Variants in SMYD1 observed in about 807,000 individuals in gnomAD.
SMYD1 encodes the protein SET and MYND domain containing 1.
In SMYD1, 49 loss-of-function variants were observed where a neutral mutation model predicts 54.0. That is an observed-to-expected ratio of 0.91 (90% CI 0.72 to 1.15). The LOEUF (loss-of-function observed/expected upper bound fraction) is 1.15. SMYD1 is among the 50% of genes most tolerant of loss of function. The pLI, the probability that SMYD1 is intolerant of heterozygous loss-of-function variation, is 0.00. For synonymous variants in SMYD1, 269 were observed against 234.2 expected (o/e 1.15, Z -1.36); for missense variants, 653 against 639.6 (o/e 1.02, Z -0.23).
At chr2:88,102,129 AGTC>A (rs1674736072) in intron 6 of SMYD1, among the ~76,000 whole-genome samples, 1 of 152,000 alleles carries the variant, frequency 6.6e-6, no homozygotes, top group Non-Finnish European at 1.5e-5. Context: ...TCAATTTTAC[AGTC>A]AGAATAAATA....
intron 1 of SMYD1, among the ~76,000 whole-genome samples, chr2:88,082,093 G>A (rs1030199152): frequency 1.3e-5 from 2 of 152,138 alleles, no homozygotes; most frequent in African/African-American, 4.8e-5. Context: ...GGCCCCATGT[G>A]CTCTATTCTG....
intron 1 of SMYD1, among the ~76,000 whole-genome samples, chr2:88,080,509 T>A (rs1674164912): frequency 6.6e-6 from 1 of 152,178 alleles, no homozygotes; most frequent in Admixed American, 6.5e-5. Flanking sequence ...ATGGGCGACC[T>A]TGGAACAGAC....
intron 1 of SMYD1, among the ~76,000 whole-genome samples, chr2:88,068,615 T>TG (rs1558844339): frequency 1.3e-5 from 2 of 151,682 alleles, no homozygotes; most frequent in Admixed American, 6.6e-5. Context: ...TGTCTGGTTT[T>TG]TTTTTTTTTT....
intron 7 of SMYD1, among the ~76,000 whole-genome samples, chr2:88,104,080 C>T (rs1200937279): frequency 1.3e-5 from 2 of 151,896 alleles, no homozygotes; most frequent in East Asian, 1.9e-4. Flanking sequence ...CATTCTCCTG[C>T]CTCAGCCTCC....
chr2:88,106,604 G>A lies in SMYD1; in HGVS notation c.1145+116G>A, dbSNP rs1436731811. On this transcript the variant is annotated intron_variant, in intron 8 of 9. Transcript: ENST00000419482. ...CCTCCTATACCCACAGCAGGCGTCA[G>A]TAATCCATCATGGTTCTCTTTTTGA... is the stretch of plus-strand genomic sequence containing the variant. 11 of 1,071,044 alleles carry A rather than the reference G, an allele frequency of 1.0e-5. 1 individual carries two copies. Among genetic ancestry groups the A allele is most frequent in the African/African-American group, 7.9e-5 (5 of 63,168 alleles). The allele number at this position is 1,071,044 out of a possible 1,614,324, so 66.3% of individuals were successfully genotyped here.
chr2:88,093,445 A>C, intron 4 of SMYD1, 72 bp from the exon 5 acceptor site: 1 of 1,548,924 alleles, frequency 6.5e-7, no homozygotes, highest in South Asian at 1.1e-5. Context: ...AATGCTGTAC[A>C]CCCTTGCACT....
At chr2:88,089,840 T>A (rs1407121014) in intron 3 of SMYD1, among the ~76,000 whole-genome samples, 1 of 151,968 alleles carries the variant, frequency 6.6e-6, no homozygotes, top group African/African-American at 2.4e-5. Context: ...GATCTGCCCA[T>A]CTCTGCCTTC....
At chr2:88,101,402 T>C (rs1485962201) in intron 6 of SMYD1, among the ~76,000 whole-genome samples, 1 of 152,226 alleles carries the variant, frequency 6.6e-6, no homozygotes, top group African/African-American at 2.4e-5. Context: ...TATATTGATA[T>C]GGGAAAATGT....
rs181654540 is a variant in SMYD1 at position 88,087,983 on chromosome 2, G to A, written c.436G>A (p.Asp146Asn). The change falls in exon 3 of 10, where the codon GAC (aspartate) becomes AAC (asparagine). Residue 146 changes from aspartate (D) to asparagine (N), a missense_variant. Transcript: ENST00000419482. Reference sequence around the variant, plus strand: ...GCACTTTGGGGAGGAGGAGCAGAAGGACCTGCGGGTGGACGTGGACACATT... The same window carrying A: ...GCACTTTGGGGAGGAGGAGCAGAAGAACCTGCGGGTGGACGTGGACACATT... ...VEHFGEEEQK[D>N]LRVDVDTFLQ... is the part of the protein sequence containing the mutation. 1.2e-6 allele frequency: 2 copies of A among 1,614,186 alleles called. No individual in the cohort carries two copies. Among genetic ancestry groups the A allele is most frequent in the East Asian group, 4.5e-5 (2 of 44,876 alleles).
chr2:88,091,947 C>G (rs986033925), intron 4 of SMYD1, among the ~76,000 whole-genome samples: 1 of 152,144 alleles, frequency 6.6e-6, no homozygotes, highest in Non-Finnish European at 1.5e-5. Context: ...CAGGGACTAG[C>G]AACACATGAA....
chr2:88,086,683 AT>A (rs1674333977), intron 2 of SMYD1, among the ~76,000 whole-genome samples: 1 of 152,218 alleles, frequency 6.6e-6, no homozygotes, highest in Non-Finnish European at 1.5e-5. Flanking sequence ...CTCCCCAATC[AT>A]TAAGAATACC....
chr2:88,103,710 T>C (rs1023527749), intron 7 of SMYD1, among the ~76,000 whole-genome samples: 1 of 152,122 alleles, frequency 6.6e-6, no homozygotes, highest in Non-Finnish European at 1.5e-5. Flanking sequence ...TCTTGGGTGA[T>C]TTCAATGTGT....
intron 5 of SMYD1, among the ~76,000 whole-genome samples, chr2:88,094,681 T>C (rs12618335): frequency 0.35 from 53,426 of 151,896 alleles, 9,478 homozygotes; most frequent in Middle Eastern, 0.46. Flanking sequence ...ATTGAAATAA[T>C]CAGACACCCT....
intron 1 of SMYD1, among the ~76,000 whole-genome samples, chr2:88,076,807 G>T (rs1486524545): frequency 1.3e-5 from 2 of 152,070 alleles, no homozygotes; most frequent in East Asian, 1.9e-4. Context: ...AAGAGTTTGA[G>T]ACCAGCCTGG....
intron 7 of SMYD1, 32 bp downstream of exon 7, chr2:88,103,182 TA>T (rs752225848): frequency 6.3e-7 from 1 of 1,578,586 alleles, no homozygotes; most frequent in Non-Finnish European, 8.7e-7. Context: ...AGGATGGGGG[TA>T]GAAAGGAGGG....
intron 2 of SMYD1, among the ~76,000 whole-genome samples, chr2:88,087,576 C>T (rs898300240): frequency 1.3e-5 from 2 of 152,162 alleles, no homozygotes; most frequent in Non-Finnish European, 2.9e-5. Flanking sequence ...AAATGTGCCT[C>T]CTCTGTGACA....
intron 1 of SMYD1, among the ~76,000 whole-genome samples, chr2:88,079,908 A>G (rs1324092007): frequency 6.6e-6 from 1 of 152,240 alleles, no homozygotes; most frequent in Admixed American, 6.5e-5. Flanking sequence ...AGGATAAAAT[A>G]CTTCTCCTCA....
chr2:88,085,182 G>A (rs1273038102), intron 2 of SMYD1, among the ~76,000 whole-genome samples: 1 of 152,070 alleles, frequency 6.6e-6, no homozygotes, highest in East Asian at 1.9e-4. Context: ...AAATAGGCTA[G>A]AGCTGAGTAG....
chr2:88,103,306 C>A (rs535626893), intron 7 of SMYD1, among the ~76,000 whole-genome samples, 156 bp downstream of exon 7: 190 of 152,220 alleles, frequency 1.2e-3, no homozygotes, highest in African/African-American at 4.4e-3. Flanking sequence ...GATCATGACT[C>A]TTCTTGTCCG....
Sources: gnomAD v4.1 joint callset for allele counts (sites outside exome capture counted in the v4.1 genomes callset) on GRCh38, gnomAD v4.1.1 for gene constraint, MANE v1.5 for transcripts, NCBI Gene and HGNC (gene_info 2026-07-23, HGNC 2026-07-21) for gene names.